Variants in RPS6KA2 observed in about 807,000 individuals in gnomAD.
RPS6KA2 encodes the protein ribosomal protein S6 kinase A2, also known as ribosomal protein S6 kinase alpha-2.
Under a neutral mutation model 91.8 loss-of-function variants are expected in RPS6KA2, and 42 were observed. The ratio of observed to expected loss-of-function variants is 0.46; its 90% CI spans 0.36 to 0.59. The LOEUF (loss-of-function observed/expected upper bound fraction) is 0.59, where lower values mean the gene tolerates loss of function less well. Among genes scored for constraint, RPS6KA2 ranks in the 20% least tolerant of loss-of-function variants. The probability of loss-of-function intolerance (pLI) is 0.00; values close to 1 mark genes in which losing one functional copy is unlikely to be tolerated. For missense variants in RPS6KA2, 798 were observed against 978.5 expected (o/e 0.82, Z 2.46); for synonymous variants, 414 against 393.6 (o/e 1.05, Z -0.61).
chr6:166,654,715 A>C (rs6932695), intron 2 of RPS6KA2, among the ~76,000 whole-genome samples: 9,012 of 152,272 alleles, frequency 0.059, 564 homozygotes, highest in African/African-American at 0.15. Context: ...GCTCTGTAGA[A>C]TGTTTCATAG....
intron 2 of RPS6KA2, among the ~76,000 whole-genome samples, chr6:166,853,928 C>A (rs1478428477): frequency 6.6e-6 from 1 of 152,232 alleles, no homozygotes; most frequent in Non-Finnish European, 1.5e-5. Context: ...AGGGCCTCGC[C>A]TGCTCACAGG....
chr6:166,861,755 T>G (rs930347345), intron 1 of RPS6KA2, among the ~76,000 whole-genome samples: 1 of 152,234 alleles, frequency 6.6e-6, no homozygotes, highest in African/African-American at 2.4e-5. Context: ...AAGCCACTTG[T>G]TGAAGGAAAA....
rs1291176879 is a variant in RPS6KA2 at position 166,648,138 on chromosome 6, A to G, written c.124-109354T>C. Among the ~76,000 whole-genome samples, 1 of 148,052 alleles carries G rather than the reference A, an allele frequency of 6.8e-6. No individual in the cohort carries two copies. Among genetic ancestry groups the G allele is most frequent in the East Asian group, 2.0e-4 (1 of 4,948 alleles). The stretch of plus-strand genomic sequence containing the variant: ...CACACACGCTCATACACATACATGC[A>G]CACACGCACATGGTTACACACCCAT... On this transcript the variant is annotated intron_variant, in intron 2 of 21. Transcript: ENST00000503859. This position sits in a 1 kb window ranked among gnomAD's most constrained non-coding sequence, Gnocchi z 4.8.
chr6:166,598,381 A>G (rs3799592), intron 1 of RPS6KA2, among the ~76,000 whole-genome samples: 15,751 of 152,276 alleles, frequency 0.1, 885 homozygotes, highest in East Asian at 0.26. Flanking sequence ...TTCTTACAGG[A>G]ATGGTTTAGA....
chr6:166,713,182 C>T (rs1554251145), intron 2 of RPS6KA2, among the ~76,000 whole-genome samples: 1 of 152,218 alleles, frequency 6.6e-6, no homozygotes, highest in Non-Finnish European at 1.5e-5. Flanking sequence ...ACACAACTCA[C>T]TTTCTCTCTT....
chr6:166,581,968 C>T (rs59564937), intron 1 of RPS6KA2, among the ~76,000 whole-genome samples: 20 of 127,106 alleles, frequency 1.6e-4, no homozygotes, highest in South Asian at 2.8e-4. Context: ...GGGTGGGACG[C>T]CCACTGGGCA....
Position 166,563,792 on chromosome 6 carries a change from T to C in RPS6KA2, c.100-25008A>G, listed in dbSNP as rs531141552. ...GTATTGTTTGTAAGATGTATATGAT[T>C]TTCATATCTATATCAGTGCTTATAA... On this transcript the variant is annotated intron_variant, in intron 1 of 20. Coordinates refer to ENST00000265678, the MANE Select transcript of RPS6KA2 (RefSeq NM_021135.6). This position sits in a 1 kb window ranked among gnomAD's most constrained non-coding sequence, Gnocchi z 4.1. Among the ~76,000 whole-genome samples, 1 of 152,368 alleles carries C rather than the reference T, an allele frequency of 6.6e-6. No individual in the cohort carries two copies. The highest frequency in any genetic ancestry group is 6.5e-5 in the Admixed American group (1 of 15,308).
At chr6:166,502,760 C>A (rs745997361) in intron 6 of RPS6KA2, among the ~76,000 whole-genome samples, 1 of 152,228 alleles carries the variant, frequency 6.6e-6, no homozygotes, top group African/African-American at 2.4e-5. Flanking sequence ...GGGCTCAGAG[C>A]ACCACGGGGT....
chr6:166,429,744 T>A (rs145032197), intron 16 of RPS6KA2, among the ~76,000 whole-genome samples: 158 of 152,136 alleles, frequency 1.0e-3, no homozygotes, highest in Non-Finnish European at 1.8e-4. Context: ...AGCCACTGCA[T>A]CCAGCAAAAT....
At chr6:166,591,306 C>A (rs1054941686) in intron 1 of RPS6KA2, among the ~76,000 whole-genome samples, 11 of 152,154 alleles carry the variant, frequency 7.2e-5, no homozygotes, top group Admixed American at 5.9e-4. Context: ...GAGCAGAATG[C>A]CTTTAGACCA....
In RPS6KA2 at chr6:166,490,168, G is replaced by A. The variant is rs1158409908; in HGVS notation, c.818+503C>T. 6.6e-6 allele frequency among the ~76,000 whole-genome samples: 1 copy of A among 152,146 alleles called. No homozygotes were observed. The highest frequency in any genetic ancestry group is 1.5e-5 in the Non-Finnish European group (1 of 68,026). ...TTTGTATCCAGTCACATGGTAAAAC[G>A]ATACCGAGTCCTGCCAAGGTCAACC... On this transcript the variant is annotated intron_variant, in intron 9 of 20. Coordinates refer to ENST00000265678, the MANE Select transcript of RPS6KA2 (RefSeq NM_021135.6). The surrounding 1 kb of genome is among the most constrained non-coding windows in gnomAD (Gnocchi z 4.2).
rs542109843 is a variant in RPS6KA2 at position 166,702,066 on chromosome 6, C to T, written c.123+156134G>A. The T allele has an allele frequency of 6.3e-5, 79 of 1,247,290 alleles. No individual in the cohort carries two copies. In the Middle Eastern group the frequency reaches 1.3e-3, roughly 20 times the overall value. The allele number at this position is 1,247,290 out of a possible 1,614,324, so 77.3% of individuals were successfully genotyped here. On this transcript the variant is annotated intron_variant, in intron 2 of 21. Transcript: ENST00000503859. ...ATCTCCAGAATAGACTTACAAGCCG[C>T]AGAGGTGCCTTCAGGAGTAGAGAGG...
At chr6:166,464,527 C>T (rs1780448683) in intron 11 of RPS6KA2, among the ~76,000 whole-genome samples, 1 of 152,234 alleles carries the variant, frequency 6.6e-6, no homozygotes, top group Non-Finnish European at 1.5e-5. Context: ...GTGTCTCCAG[C>T]ATCATCATTC....
intron 2 of RPS6KA2, among the ~76,000 whole-genome samples, chr6:166,787,924 A>G (rs530398267): frequency 6.7e-6 from 1 of 148,816 alleles, no homozygotes; most frequent in South Asian, 2.1e-4. Context: ...CAATCTACTC[A>G]TCTGACAAAG....
intron 3 of RPS6KA2, among the ~76,000 whole-genome samples, chr6:166,517,625 G>A (rs1459177081): frequency 1.3e-5 from 2 of 151,356 alleles, no homozygotes; most frequent in African/African-American, 4.9e-5. Context: ...ACAGGCGCCC[G>A]CCACCGCGCC....
rs78746806 is a variant in RPS6KA2, at chr6:166,486,835, A to C, written c.907+1998T>G. On this transcript the variant is annotated intron_variant, in intron 10 of 20. Transcript: ENST00000265678. ...AGATTCTCAACAGGGGGACTTTGCC[A>C]ATGTCAGGAGACGTTTGATCATCAC... 8.5e-4 allele frequency among the ~76,000 whole-genome samples: 124 copies of C among 145,446 alleles called. 3 individuals carry two copies. In the East Asian group the frequency reaches 0.026, roughly 31 times the overall value.
chr6:166,586,586 A>C (rs1785182752), intron 1 of RPS6KA2: 4 of 1,030,704 alleles, frequency 3.9e-6, no homozygotes, highest in Non-Finnish European at 5.6e-6. Flanking sequence ...CCGGCGAGAC[A>C]CTGAGAAGCC....
intron 2 of RPS6KA2, among the ~76,000 whole-genome samples, chr6:166,831,025 C>T (rs1357049861): frequency 6.6e-6 from 1 of 152,200 alleles, no homozygotes; most frequent in Non-Finnish European, 1.5e-5. Context: ...GGACCCCTGA[C>T]TCACCACGCA....
chr6:166,438,394 C>A (rs1170611816), intron 14 of RPS6KA2, among the ~76,000 whole-genome samples: 1 of 152,238 alleles, frequency 6.6e-6, no homozygotes. Context: ...GGCCCGCGCT[C>A]CAGGCCTGCG....
Sources: allele counts gnomAD v4.1 joint callset (sites outside exome capture counted in the v4.1 genomes callset), GRCh38; gene constraint gnomAD v4.1.1; non-coding constraint Gnocchi (gnomAD v3.1); transcripts MANE v1.5; gene names NCBI Gene and HGNC (gene_info 2026-07-23, HGNC 2026-07-21).